Variants in RORB observed in about 807,000 individuals in gnomAD.
RORB encodes RAR related orphan receptor B.
In RORB, 6 loss-of-function variants were observed where a neutral mutation model predicts 59.1. That is an observed-to-expected ratio of 0.10 (90% CI 0.06 to 0.20). The LOEUF (loss-of-function observed/expected upper bound fraction) is 0.20. RORB is among the 10% of genes least tolerant of loss of function. The probability of loss-of-function intolerance (pLI) is 1.00; values close to 1 mark genes in which losing one functional copy is unlikely to be tolerated. For missense variants in RORB, 320 were observed against 560.5 expected (o/e 0.57, Z 4.33); for synonymous variants, 215 against 204.5 (o/e 1.05, Z -0.44).
At chr9:74,581,126 G>A (rs1317932837) in intron 1 of RORB, among the ~76,000 whole-genome samples, 1 of 152,108 alleles carries the variant, frequency 6.6e-6, no homozygotes, top group Non-Finnish European at 1.5e-5. Context: ...AAATAAGAAT[G>A]TATTTACTAG....
chr9:74,630,627 G>T (rs1277923162), intron 2 of RORB, among the ~76,000 whole-genome samples: 1 of 152,068 alleles, frequency 6.6e-6, no homozygotes, highest in African/African-American at 2.4e-5. Flanking sequence ...CATTTACAGA[G>T]ATACAAACAC....
chr9:74,523,398 GCTCCAC>G (rs1319981798), intron 1 of RORB, among the ~76,000 whole-genome samples: 2 of 151,540 alleles, frequency 1.3e-5, no homozygotes, highest in Non-Finnish European at 2.9e-5. Flanking sequence ...CCTTTAAATA[GCTCCAC>G]CTTTAGCAAA....
At chr9:74,548,546 T>C (rs1826539593) in intron 1 of RORB, among the ~76,000 whole-genome samples, 1 of 152,208 alleles carries the variant, frequency 6.6e-6, no homozygotes, top group Non-Finnish European at 1.5e-5. Context: ...CAATTTACTT[T>C]TTCAGAATAA....
intron 1 of RORB, among the ~76,000 whole-genome samples, chr9:74,618,307 AC>A (rs1823346315): frequency 1.7e-5 from 1 of 57,712 alleles, no homozygotes; most frequent in African/African-American, 4.0e-5. Context: ...GATGTTATGA[AC>A]CAGTTAAAGT....
Position 74,602,912 on chromosome 9 carries a change from C to G in RORB, c.8-27370C>G, listed in dbSNP as rs1008718124. Among the ~76,000 whole-genome samples the G allele has an allele frequency of 8.5e-5, 13 of 152,212 alleles. No individual in the cohort carries two copies. In the South Asian group the frequency reaches 1.9e-3, roughly 22 times the overall value. On this transcript the variant is annotated intron_variant, in intron 1 of 9. Coordinates refer to ENST00000376896, the MANE Select transcript of RORB (RefSeq NM_006914.4). Reference sequence around the variant, plus strand: ...AATGATAATGTTTATAATGCTCTCCCAAAATAACAAGCAACTTGTTAGCTG... The same window carrying G: ...AATGATAATGTTTATAATGCTCTCCGAAAATAACAAGCAACTTGTTAGCTG...
At chr9:74,608,234 G>A (rs1027962717) in intron 1 of RORB, among the ~76,000 whole-genome samples, 11 of 152,028 alleles carry the variant, frequency 7.2e-5, no homozygotes, top group Non-Finnish European at 1.5e-4. Flanking sequence ...GAGTTAGGAC[G>A]TGTTTGCTTA....
intron 1 of RORB, among the ~76,000 whole-genome samples, chr9:74,560,826 T>C (rs1252860609): frequency 6.6e-6 from 1 of 152,156 alleles, no homozygotes; most frequent in Non-Finnish European, 1.5e-5. Flanking sequence ...AAATGGTTCT[T>C]TCCTACAACG....
chr9:74,520,502 T>C (rs550455386), intron 1 of RORB, among the ~76,000 whole-genome samples: 1 of 152,074 alleles, frequency 6.6e-6, no homozygotes, highest in South Asian at 2.1e-4. Flanking sequence ...CAATGACAGC[T>C]ACATCATTGA....
At chr9:74,527,414 CAG>C (rs1563928788) in intron 1 of RORB, among the ~76,000 whole-genome samples, 1 of 151,894 alleles carries the variant, frequency 6.6e-6, no homozygotes, top group African/African-American at 2.4e-5. Flanking sequence ...ACCTACATTC[CAG>C]AAGGGAAGGA....
At chr9:74,530,016 G>T (rs931974038) in intron 1 of RORB, among the ~76,000 whole-genome samples, 4 of 151,984 alleles carry the variant, frequency 2.6e-5, no homozygotes, top group African/African-American at 9.7e-5. Flanking sequence ...TCAAGATTCT[G>T]TGGTATAAAT....
At chr9:74,654,829 C>T (rs1824054600) in intron 4 of RORB, among the ~76,000 whole-genome samples, 1 of 151,960 alleles carries the variant, frequency 6.6e-6, no homozygotes, top group African/African-American at 2.4e-5. Flanking sequence ...GAAAACAAAA[C>T]AGCAACTTTT....
At chr9:74,501,424 A>G (rs1825802323) in intron 1 of RORB, among the ~76,000 whole-genome samples, 1 of 152,014 alleles carries the variant, frequency 6.6e-6, no homozygotes, top group African/African-American at 2.4e-5. Flanking sequence ...CTCTCTCTTA[A>G]TTTCCTCCAC....
chr9:74,643,969 T>C (rs1823854034), intron 4 of RORB, among the ~76,000 whole-genome samples: 1 of 152,220 alleles, frequency 6.6e-6, no homozygotes, highest in Non-Finnish European at 1.5e-5. Context: ...AATGAGTTAA[T>C]ACGTGTAAAC....
chr9:74,560,446 C>A (rs1822377790), intron 1 of RORB, among the ~76,000 whole-genome samples: 1 of 152,024 alleles, frequency 6.6e-6, no homozygotes, highest in South Asian at 2.1e-4. Context: ...CAATCATCTC[C>A]AACTCTAAAC....
intron 4 of RORB, among the ~76,000 whole-genome samples, chr9:74,646,496 G>A (rs976199570): frequency 3.9e-5 from 6 of 152,134 alleles, no homozygotes; most frequent in Non-Finnish European, 8.8e-5. Context: ...TAGGTTAAGG[G>A]CTCTAATGAT....
intron 1 of RORB, among the ~76,000 whole-genome samples, chr9:74,621,268 T>C (rs1399745763): frequency 1.3e-5 from 2 of 152,180 alleles, no homozygotes; most frequent in Non-Finnish European, 2.9e-5. Flanking sequence ...CTTCATCCTC[T>C]TCCTCCACTC....
chr9:74,527,864 G>A (rs1826179094), intron 1 of RORB, among the ~76,000 whole-genome samples: 1 of 151,934 alleles, frequency 6.6e-6, no homozygotes, highest in Non-Finnish European at 1.5e-5. Flanking sequence ...CACCAGCAGC[G>A]TGTTTATAGG....
intron 1 of RORB, among the ~76,000 whole-genome samples, chr9:74,594,840 T>C (rs1017348423): frequency 6.6e-6 from 1 of 152,156 alleles, no homozygotes; most frequent in African/African-American, 2.4e-5. Flanking sequence ...AGCTGCTTGA[T>C]TGATATCCCA....
intron 1 of RORB, among the ~76,000 whole-genome samples, chr9:74,591,155 T>C (rs536378665): frequency 6.6e-6 from 1 of 152,236 alleles, no homozygotes; most frequent in Non-Finnish European, 1.5e-5. Flanking sequence ...GAGGTAACGA[T>C]GAAGATCCCT....
Sources: allele counts gnomAD v4.1 joint callset (sites outside exome capture counted in the v4.1 genomes callset), GRCh38; gene constraint gnomAD v4.1.1; transcripts MANE v1.5; gene names NCBI Gene and HGNC (gene_info 2026-07-23, HGNC 2026-07-21).